LINGO2: variants seen among roughly 807,000 people sequenced by gnomAD.
LINGO2 encodes leucine rich repeat and Ig domain containing 2.
In LINGO2, 14 loss-of-function variants were observed where a neutral mutation model predicts 30.6. That is an observed-to-expected ratio of 0.46 (90% CI 0.30 to 0.72). The LOEUF is 0.72. Ranked by LOEUF, LINGO2 falls within the 30% of genes least tolerant of loss-of-function variation. The pLI is 0.07. For missense variants in LINGO2, 729 were observed against 751.7 expected, an observed-to-expected ratio of 0.97 and a Z score of 0.35; for synonymous variants, 317 against 288.5, an observed-to-expected ratio of 1.10 and a Z score of -1.00.
intron 3 of LINGO2, among the ~76,000 whole-genome samples, chr9:28,301,092 A>C (rs1172777246): frequency 6.6e-6 from 1 of 152,198 alleles, no homozygotes; most frequent in African/African-American, 2.4e-5. Context: ...AGCCAAGTGT[A>C]TCTCTTAAAT....
intron 2 of LINGO2, among the ~76,000 whole-genome samples, chr9:28,397,472 C>T (rs1282669236): frequency 1.3e-5 from 2 of 148,936 alleles, no homozygotes; most frequent in Non-Finnish European, 3.0e-5. Flanking sequence ...GAATATTTAA[C>T]AGCCACATTT....
At chr9:28,760,901 T>C in the LINGO2 span, among the ~76,000 whole-genome samples, 2 of 147,854 alleles carry the variant, frequency 1.4e-5, no homozygotes, top group East Asian at 4.0e-4. Context: ...TGTGTATATA[T>C]ATGTATATAC....
rs1821895754 is a variant in LINGO2, at chr9:28,392,902, G to GT, written c.-278-20035dup. ...TCTTATGGCAGTAGTTTAATAGATT[G>GT]TTTTTTCAAATTTAGATGTAGGAAA... On this transcript the variant is annotated intron_variant, in intron 2 of 5. Transcript: ENST00000379992. Among the ~76,000 whole-genome samples, 3 of 152,174 alleles carry GT rather than the reference G, an allele frequency of 2.0e-5. No individual in the cohort carries two copies. The South Asian group carries it at 6.2e-4, about 32-fold the overall frequency.
chr9:28,348,390 CT>C (rs1819682687), intron 3 of LINGO2, among the ~76,000 whole-genome samples: 1 of 152,096 alleles, frequency 6.6e-6, no homozygotes, highest in Admixed American at 6.5e-5. Flanking sequence ...GGGTGACGGA[CT>C]GCACCTGGAA....
At chr9:28,391,901 A>G (rs911108595) in intron 2 of LINGO2, among the ~76,000 whole-genome samples, 1 of 152,166 alleles carries the variant, frequency 6.6e-6, no homozygotes, top group Non-Finnish European at 1.5e-5. Flanking sequence ...TGAATCCATA[A>G]TTATGTCCCT....
intron 4 of LINGO2, among the ~76,000 whole-genome samples, chr9:28,143,225 G>T (rs887732898): frequency 1.3e-5 from 2 of 152,122 alleles, no homozygotes; most frequent in African/African-American, 4.8e-5. Flanking sequence ...TTGACTTCAT[G>T]TCCTAGTGGA....
the LINGO2 span, among the ~76,000 whole-genome samples, chr9:29,182,140 A>G: frequency 6.6e-6 from 1 of 152,216 alleles, no homozygotes; most frequent in Non-Finnish European, 1.5e-5. Flanking sequence ...AAAGGCTTTC[A>G]TTTTATAAAA....
the LINGO2 span, among the ~76,000 whole-genome samples, chr9:29,202,396 T>A: frequency 2.6e-5 from 4 of 151,988 alleles, no homozygotes; most frequent in East Asian, 5.8e-4. Context: ...AGTGGCTTTA[T>A]TAGTAAGTAC....
At chr9:27,983,526 A>G (rs1017467967) in intron 5 of LINGO2, among the ~76,000 whole-genome samples, 1 of 151,894 alleles carries the variant, frequency 6.6e-6, no homozygotes, top group Non-Finnish European at 1.5e-5. Flanking sequence ...AAAAGCATAT[A>G]AAGACATGAT....
At chr9:28,889,845 T>C in the LINGO2 span, among the ~76,000 whole-genome samples, 1 of 152,086 alleles carries the variant, frequency 6.6e-6, no homozygotes, top group Non-Finnish European at 1.5e-5. Context: ...TAAATATTTT[T>C]CCAAGACCAG....
the LINGO2 span, among the ~76,000 whole-genome samples, chr9:29,012,313 A>T: frequency 2.0e-5 from 3 of 152,060 alleles, no homozygotes; most frequent in Non-Finnish European, 4.4e-5. Context: ...AGCTGAGATC[A>T]CACCACTGCA....
rs189402958 is a variant in LINGO2, at chr9:28,223,215, A to G, written c.-87+71993T>C. 1.6e-4 allele frequency among the ~76,000 whole-genome samples: 24 copies of G among 152,184 alleles called. 1 individual carries two copies. The highest frequency in any genetic ancestry group is 5.3e-4 in the African/African-American group (22 of 41,446). On this transcript the variant is annotated intron_variant, in intron 4 of 5. Coordinates refer to ENST00000379992, the Ensembl canonical transcript of LINGO2. ...TTTATTTAAAAAATTTTGTTTTCTC[A>G]CAGTTCTGGAGGCTGAGAAGTCCAA...
chr9:28,831,825 G>T, the LINGO2 span, among the ~76,000 whole-genome samples: 1 of 151,976 alleles, frequency 6.6e-6, no homozygotes, highest in African/African-American at 2.4e-5. Context: ...GAAAACTTTT[G>T]TTTGTTTTGT....
At chr9:28,825,214 T>A in the LINGO2 span, among the ~76,000 whole-genome samples, 9 of 152,124 alleles carry the variant, frequency 5.9e-5, no homozygotes, top group African/African-American at 2.2e-4. Flanking sequence ...CCTACTATTA[T>A]GACACTCTTC....
At chr9:28,014,460 A>G (rs1822719265) in intron 4 of LINGO2, among the ~76,000 whole-genome samples, 1 of 152,204 alleles carries the variant, frequency 6.6e-6, no homozygotes, top group South Asian at 2.1e-4. Context: ...GATCAATTCA[A>G]TGGCACTCTT....
chr9:28,199,315 C>T (rs956564868), intron 4 of LINGO2, among the ~76,000 whole-genome samples: 6 of 142,800 alleles, frequency 4.2e-5, no homozygotes, highest in South Asian at 2.2e-4. Flanking sequence ...TGAAAGACTA[C>T]GGGCTATCTT....
intron 2 of LINGO2, among the ~76,000 whole-genome samples, chr9:28,382,751 T>G (rs1821403807): frequency 6.6e-6 from 1 of 152,138 alleles, no homozygotes. Flanking sequence ...ACTTGCTGTG[T>G]GCTCTTTGGA....
chr9:28,243,989 A>G (rs957715074), intron 4 of LINGO2, among the ~76,000 whole-genome samples: 4 of 152,216 alleles, frequency 2.6e-5, no homozygotes, highest in African/African-American at 9.6e-5. Context: ...ATAAATATCT[A>G]TAGAACTCTC....
intron 3 of LINGO2, among the ~76,000 whole-genome samples, chr9:28,327,931 G>C (rs1168048917): frequency 6.6e-6 from 1 of 151,494 alleles, no homozygotes; most frequent in Non-Finnish European, 1.5e-5. Context: ...AGGAAGGAAA[G>C]AAAAAAAATA....
Sources: gnomAD v4.1 joint callset for allele counts (sites outside exome capture counted in the v4.1 genomes callset) on GRCh38, gnomAD v4.1.1 for gene constraint, MANE v1.5 for transcripts, NCBI Gene and HGNC (gene_info 2026-07-23, HGNC 2026-07-21) for gene names.